Variants in ALPK2 observed in about 807,000 individuals in gnomAD.
ALPK2 encodes the protein alpha-protein kinase 2.
A neutral mutation model predicts 163.1 loss-of-function variants in ALPK2; 127 were observed. The ratio of observed to expected loss-of-function variants is 0.78; its 90% CI spans 0.67 to 0.90. The LOEUF is 0.90. Among genes scored for constraint, ALPK2 ranks in the 40% least tolerant of loss-of-function variants. The probability of loss-of-function intolerance (pLI) is 0.00; values close to 1 mark genes in which losing one functional copy is unlikely to be tolerated. For missense variants in ALPK2, 2,360 were observed against 2,589.6 expected (o/e 0.91, Z 1.92); for synonymous variants, 953 against 959.1 (o/e 0.99, Z 0.12).
rs191458852 is a variant in ALPK2 at position 58,520,590 on chromosome 18, G to A, written c.5665+3216C>T. Among the ~76,000 whole-genome samples the A allele has an allele frequency of 1.6e-3, 238 of 152,174 alleles. 1 individual carries two copies. The highest frequency in any genetic ancestry group is 5.5e-3 in the African/African-American group (227 of 41,506). The stretch of plus-strand genomic sequence containing the variant: ...AATCCTCAACTCAGAGAAACCATGT[G>A]GATACCTGCAGCCACTGGTTACAAA... On this transcript the variant is annotated intron_variant, in intron 8 of 12. Transcript: ENST00000361673.
chr18:58,535,032 C>A lies in ALPK2; in HGVS notation c.5155G>T (p.Gly1719Cys). The A allele has an allele frequency of 6.2e-7, 1 of 1,614,138 alleles. No individual in the cohort carries two copies. The highest frequency in any genetic ancestry group is 8.5e-7 in the Non-Finnish European group (1 of 1,180,010). ...ACTCCCTCAGCTAAATGTCCACTGC[C>A]TGGGGCTTCTGGCTTCCTCTTGACC... ...EEVKRKPEAPGSGHLAEGVKK... is the reference protein window; with the variant it reads ...EEVKRKPEAPCSGHLAEGVKK... The change falls in exon 5 of 13, where the codon GGC becomes TGC. Residue 1719 changes from glycine (G) to cysteine (C), a missense_variant. Coordinates refer to ENST00000361673, the MANE Select transcript of ALPK2 (RefSeq NM_052947.4).
chr18:58,519,574 A>G (rs562602321), intron 8 of ALPK2, among the ~76,000 whole-genome samples: 2 of 152,372 alleles, frequency 1.3e-5, no homozygotes, highest in East Asian at 1.9e-4. Context: ...ATTTGTTTGT[A>G]TAGTACCATA....
rs1182979140 is a variant in ALPK2 at position 58,535,447 on chromosome 18, A to G, written c.4740T>C (p.Tyr1580=). 1.9e-6 allele frequency: 3 copies of G among 1,614,204 alleles called. No homozygotes were observed. Among genetic ancestry groups the G allele is most frequent in the Non-Finnish European group, 1.7e-6 (2 of 1,180,022 alleles). ...NDIVEPRKRQ[Y]VFPVSQKRGT... ...CCCTTTTCTGTGAAACAGGAAACAC[A>G]TACTGACGCTTTCTGGGCTCAACTA... is the stretch of plus-strand genomic sequence containing the variant. Residue 1580 remains tyrosine (Y), a synonymous_variant, in exon 5 of 13, where the codon TAT becomes TAC. Coordinates refer to ENST00000361673, the MANE Select transcript of ALPK2 (RefSeq NM_052947.4).
In ALPK2 at chr18:58,579,317, T is replaced by A. The variant is rs779547094; in HGVS notation, c.1459A>T (p.Met487Leu). The A allele has an allele frequency of 6.2e-7, 1 of 1,614,096 alleles. No homozygotes were observed. Among genetic ancestry groups the A allele is most frequent in the African/African-American group, 1.3e-5 (1 of 74,920 alleles). The part of the protein sequence containing the change: ...EEFASDNLLN[M>L]DESVRETEMK... ...TCTGTCTCTCTTACTGATTCATCCA[T>A]GTTGAGCAGATTGTCACTGGCAAAT... is the stretch of plus-strand genomic sequence containing the variant. Residue 487 changes from methionine (M) to leucine (L), a missense_variant, in exon 4 of 13, where the codon ATG (methionine) becomes TTG (leucine). Physicochemically the swap from Met to Leu is conservative, Grantham distance 15 (BLOSUM62 2). Coordinates refer to ENST00000361673, the MANE Select transcript of ALPK2 (RefSeq NM_052947.4).
chr18:58,564,022 T>C (rs2051837895), intron 4 of ALPK2, among the ~76,000 whole-genome samples: 2 of 151,614 alleles, frequency 1.3e-5, no homozygotes, highest in Non-Finnish European at 2.9e-5. Context: ...TTAAGAACAA[T>C]CTCTGAAAAT....
intron 3 of ALPK2, among the ~76,000 whole-genome samples, chr18:58,589,335 G>A (rs2052003834): frequency 2.0e-5 from 3 of 152,220 alleles, no homozygotes; most frequent in African/African-American, 4.8e-5. Flanking sequence ...TTGGGCAGGA[G>A]GAGGCCGGTT....
At chr18:58,616,286 C>A (rs2052167718) in intron 1 of ALPK2, among the ~76,000 whole-genome samples, 1 of 152,128 alleles carries the variant, frequency 6.6e-6, no homozygotes, top group Non-Finnish European at 1.5e-5. Context: ...AATGTTGGGG[C>A]ACTTTTGGCC....
chr18:58,503,885 C>G, intron 11 of ALPK2, 46 bp downstream of exon 11: 1 of 1,558,158 alleles, frequency 6.4e-7, no homozygotes, highest in South Asian at 1.2e-5. Context: ...AGGAACATCT[C>G]TGGCCCACAG....
At chr18:58,615,999 G>C (rs114312423) in intron 1 of ALPK2, among the ~76,000 whole-genome samples, 1 of 152,214 alleles carries the variant, frequency 6.6e-6, no homozygotes, top group Non-Finnish European at 1.5e-5. Context: ...TGTGGCTCGT[G>C]TTTCGTGGCT....
At chr18:58,486,649 CT>C (rs1212361624) in intron 12 of ALPK2, among the ~76,000 whole-genome samples, 1 of 152,192 alleles carries the variant, frequency 6.6e-6, no homozygotes, top group Non-Finnish European at 1.5e-5. Flanking sequence ...TTGAACTTCC[CT>C]TTCCCTGTCT....
intron 12 of ALPK2, among the ~76,000 whole-genome samples, chr18:58,483,524 A>C (rs1477511791): frequency 8.0e-6 from 1 of 124,952 alleles, no homozygotes; most frequent in Non-Finnish European, 1.7e-5. Context: ...GATAAGTCCT[A>C]CTCACTTTAT....
rs34460316 is a variant in ALPK2 at position 58,593,563 on chromosome 18, CAAAAAAAAAAA to C, written c.228-13026_228-13016del. ...TGGGTGACAGGAAGGGACTCTGTCT[CAAAAAAAAAAA>C]AAAAAAAAAAAAGGCAAAAAAGACC... On this transcript the variant is annotated intron_variant, in intron 3 of 12. Transcript: ENST00000361673. 6.5e-4 allele frequency among the ~76,000 whole-genome samples: 33 copies of C among 50,650 alleles called. 2 individuals carry two copies. The highest frequency in any genetic ancestry group is 2.5e-3 in the African/African-American group (32 of 12,678). The allele number at this position is 50,650 out of a possible 152,430, so 33.2% of individuals were successfully genotyped here.
rs557798898 is a variant in ALPK2 at position 58,560,167 on chromosome 18, C to T, written c.1962+18647G>A. Among the ~76,000 whole-genome samples the T allele has an allele frequency of 4.3e-4, 66 of 152,266 alleles. 1 individual carries two copies. The highest frequency in any genetic ancestry group is 2.0e-3 in the Admixed American group (31 of 15,290). ...CTGAATTATGGGGGCAGTTCTTTCC[C>T]GCACCGTTCTCATGATAGTGAATGA... On this transcript the variant is annotated intron_variant, in intron 4 of 12. Transcript: ENST00000361673.
intron 3 of ALPK2, 112 bp from the exon 4 acceptor site, chr18:58,580,660 A>C (rs555667743): frequency 1.9e-6 from 2 of 1,040,076 alleles, no homozygotes; most frequent in African/African-American, 1.6e-5. Flanking sequence ...ATGTTCAAGG[A>C]GATCTGTGAT....
Position 58,548,689 on chromosome 18 carries a change from A to G in ALPK2, c.1963-10465T>C, listed in dbSNP as rs189230851. Among the ~76,000 whole-genome samples the G allele has an allele frequency of 3.3e-5, 5 of 152,282 alleles. No homozygotes were observed. The East Asian group carries it at 9.6e-4, about 29-fold the overall frequency. On this transcript the variant is annotated intron_variant, in intron 4 of 12. Coordinates refer to ENST00000361673, the MANE Select transcript of ALPK2 (RefSeq NM_052947.4). ...ACAATCACAGGTGACGCAGCAGGCA[A>G]CAACGATTACCTGCTAAGACTGAGA...
rs1402646517 is a variant in ALPK2 at position 58,569,361 on chromosome 18, T to C, written c.1962+9453A>G. 3.6e-4 allele frequency among the ~76,000 whole-genome samples: 55 copies of C among 152,204 alleles called. 3 individuals carry two copies. Among genetic ancestry groups the C allele is most frequent in the Admixed American group, 3.6e-3 (55 of 15,286 alleles). Reference sequence around the variant, plus strand: ...AGGGCAAAACCCAGGCAGCTGAATGTTCTAAAGCTCCCAGGTGATTCCATG... The same window carrying C: ...AGGGCAAAACCCAGGCAGCTGAATGCTCTAAAGCTCCCAGGTGATTCCATG... On this transcript the variant is annotated intron_variant, in intron 4 of 12. Transcript: ENST00000361673.
intron 3 of ALPK2, among the ~76,000 whole-genome samples, chr18:58,602,660 A>G (rs1480931599): frequency 6.6e-6 from 1 of 152,116 alleles, no homozygotes. Context: ...TTGAACCAGA[A>G]TGACTCCATC....
At chr18:58,604,351 C>T (rs1029227253) in intron 3 of ALPK2, among the ~76,000 whole-genome samples, 1 of 152,092 alleles carries the variant, frequency 6.6e-6, no homozygotes, top group Non-Finnish European at 1.5e-5. Flanking sequence ...CACAAAATAC[C>T]GTTCATTTTC....
intron 11 of ALPK2, among the ~76,000 whole-genome samples, chr18:58,503,280 T>C (rs78560129): frequency 6.6e-6 from 1 of 152,356 alleles, no homozygotes; most frequent in East Asian, 1.9e-4. Context: ...TAATTTACCT[T>C]ATGGTAGATC....
Sources: gnomAD v4.1 joint callset for allele counts (sites outside exome capture counted in the v4.1 genomes callset) on GRCh38, gnomAD v4.1.1 for gene constraint, MANE v1.5 for transcripts, NCBI Gene and HGNC (gene_info 2026-07-23, HGNC 2026-07-21) for gene names.